The following CACNA1C variants were observed in gnomAD, a reference collection of about 807,000 sequenced individuals.
CACNA1C encodes calcium voltage-gated channel subunit alpha1 C, also known as voltage-dependent L-type calcium channel subunit alpha-1C.
A neutral mutation model predicts 229.0 loss-of-function variants in CACNA1C; 30 were observed. The ratio of observed to expected loss-of-function variants is 0.13; its 90% CI spans 0.10 to 0.18. CACNA1C has a LOEUF of 0.18. Ranked by LOEUF, CACNA1C falls within the 10% of genes least tolerant of loss-of-function variation. The pLI, the probability that CACNA1C is intolerant of heterozygous loss-of-function variation, is 1.00. For missense variants in CACNA1C, 1,658 were observed against 2,845.0 expected (o/e 0.58, Z 9.49); for synonymous variants, 1,114 against 1,132.5 (o/e 0.98, Z 0.33).
intron 29 of CACNA1C, among the ~76,000 whole-genome samples, chr12:2,625,355 A>C (rs1268213954): frequency 6.6e-6 from 1 of 152,234 alleles, no homozygotes; most frequent in Non-Finnish European, 1.5e-5. Context: ...GCCCTGCCAC[A>C]GGGAAGGAAA....
At chr12:2,243,754 G>A (rs2154377022) in intron 3 of CACNA1C, among the ~76,000 whole-genome samples, 1 of 152,302 alleles carries the variant, frequency 6.6e-6, no homozygotes, top group South Asian at 2.1e-4. Context: ...CTTTGTTAGA[G>A]CAGTACTCAC....
At chr12:2,401,270 C>T (rs906560401) in intron 3 of CACNA1C, among the ~76,000 whole-genome samples, 6 of 152,342 alleles carry the variant, frequency 3.9e-5, no homozygotes, top group East Asian at 1.9e-4. Context: ...TGCCAGGCTG[C>T]GCACAGAGGA....
intron 3 of CACNA1C, among the ~76,000 whole-genome samples, chr12:2,264,104 G>A (rs2081379515): frequency 6.6e-6 from 1 of 152,196 alleles, no homozygotes; most frequent in Non-Finnish European, 1.5e-5. Flanking sequence ...GCACTCACGG[G>A]TGGCAAGAGG....
rs139634500 is a variant in CACNA1C at position 2,130,102 on chromosome 12, C to T, written c.477+9672C>T. ...GGCGCCTTCTAACTAATAATAATAGCAGCAATAACTTCAGCCCTTACGCTG... is the reference window on the plus strand; with the variant it reads ...GGCGCCTTCTAACTAATAATAATAGTAGCAATAACTTCAGCCCTTACGCTG... On this transcript the variant is annotated intron_variant, in intron 3 of 46. Transcript: ENST00000399655. Among the ~76,000 whole-genome samples, 4 of 151,866 alleles carry T rather than the reference C, an allele frequency of 2.6e-5. No homozygotes were observed. The East Asian group carries it at 7.7e-4, about 29-fold the overall frequency.
At chr12:2,298,302 A>G (rs2094248146) in intron 3 of CACNA1C, among the ~76,000 whole-genome samples, 1 of 152,182 alleles carries the variant, frequency 6.6e-6, no homozygotes, top group South Asian at 2.1e-4. Context: ...CTCTCAGGTG[A>G]CAGGGTCTTT....
At chr12:2,681,815 G>A (rs371905295) in intron 42 of CACNA1C, 1 of 653,362 alleles carries the variant, frequency 1.5e-6, no homozygotes, top group Non-Finnish European at 2.8e-6. Context: ...TGCCCTCAGG[G>A]GTCTGAGGAT....
chr12:2,541,988 G>C (rs2099871600), intron 9 of CACNA1C, among the ~76,000 whole-genome samples: 1 of 152,154 alleles, frequency 6.6e-6, no homozygotes, highest in Non-Finnish European at 1.5e-5. Flanking sequence ...TATGAGGATG[G>C]TTCTCCCCAT....
In CACNA1C at chr12:2,602,170, A is replaced by G. The variant is rs886623792; in HGVS notation, c.2960+210A>G. Among the ~76,000 whole-genome samples the G allele has an allele frequency of 2.6e-5, 4 of 152,158 alleles. No homozygotes were observed. The highest frequency in any genetic ancestry group is 9.7e-5 in the African/African-American group (4 of 41,420). Reference sequence around the variant, plus strand: ...TGGGGCACGTTGATCAGGTGAGAATATGTTTAATTATCTGGGTTTTGCCAT... The same window carrying G: ...TGGGGCACGTTGATCAGGTGAGAATGTGTTTAATTATCTGGGTTTTGCCAT... On this transcript the variant is annotated intron_variant, in intron 22 of 46. Coordinates refer to ENST00000399655, the MANE Select transcript of CACNA1C (RefSeq NM_000719.7). This position sits in a 1 kb window ranked among gnomAD's most constrained non-coding sequence, Gnocchi z 4.4.
In CACNA1C at chr12:2,566,429, T is replaced by G. The variant is rs975289385; in HGVS notation, c.1516T>G (p.Trp506Gly). 2.5e-6 allele frequency: 4 copies of G among 1,592,732 alleles called. No individual in the cohort carries two copies. The African/African-American group carries it at 5.4e-5, about 21-fold the overall frequency. ...RISKSKFSRY[W>G]RRWNRFCRRK... The stretch of plus-strand genomic sequence containing the variant: ...TCCCTGTCCCCTTTCCAGCCGCTAC[T>G]GGCGCCGGTGGAATCGGTTCTGCAG... The change falls in exon 12 of 47, where the codon TGG becomes GGG. Residue 506 changes from tryptophan to glycine, a missense_variant. By Grantham distance (184) the Trp-to-Gly change is radical (BLOSUM62 -2). This residue lies in a region of CACNA1C where 149 missense variants were observed against 194.2 expected (regional missense o/e 0.77). Transcript: ENST00000399655. The surrounding 1 kb of genome is among the most constrained non-coding windows in gnomAD (Gnocchi z 4.0).
At chr12:2,239,937 AAAAATGG>A (rs1330295092) in intron 3 of CACNA1C, among the ~76,000 whole-genome samples, 1 of 152,256 alleles carries the variant, frequency 6.6e-6, no homozygotes, top group East Asian at 1.9e-4. Context: ...CTGGTTGGGA[AAAAATGG>A]AAAATGGAAA....
chr12:2,006,846 T>G (rs906329857), intron 1 of CACNA1C, among the ~76,000 whole-genome samples: 2 of 152,216 alleles, frequency 1.3e-5, no homozygotes, highest in Non-Finnish European at 1.5e-5. Context: ...CTAGAATAAA[T>G]GTTTCAATAC....
At chr12:2,071,878 G>A (rs11062106) in intron 1 of CACNA1C, among the ~76,000 whole-genome samples, 1,913 of 151,800 alleles carry the variant, frequency 0.013, 45 homozygotes, top group African/African-American at 0.044. Context: ...CAATATGTGC[G>A]TGAATTCTCC....
intron 3 of CACNA1C, among the ~76,000 whole-genome samples, chr12:2,367,360 C>T (rs537914186): frequency 9.2e-5 from 14 of 152,242 alleles, no homozygotes; most frequent in East Asian, 5.8e-4. Flanking sequence ...GGTACCGGTC[C>T]GCCATTGTGG....
intron 7 of CACNA1C, among the ~76,000 whole-genome samples, chr12:2,497,571 C>T (rs2099749273): frequency 6.6e-6 from 1 of 152,156 alleles, no homozygotes; most frequent in Non-Finnish European, 1.5e-5. Flanking sequence ...ATGTTGCACA[C>T]TGTGAACCAC....
At chr12:2,623,463 A>T (rs922564769) in intron 29 of CACNA1C, among the ~76,000 whole-genome samples, 1 of 152,106 alleles carries the variant, frequency 6.6e-6, no homozygotes, top group Non-Finnish European at 1.5e-5. Flanking sequence ...GTAATAAATA[A>T]TAAACACCTC....
At chr12:2,258,676 T>G (rs1446951155) in intron 3 of CACNA1C, among the ~76,000 whole-genome samples, 1 of 152,220 alleles carries the variant, frequency 6.6e-6, no homozygotes, top group Non-Finnish European at 1.5e-5. Flanking sequence ...CCTTCCAGAC[T>G]GTCCCTTTCA....
In CACNA1C at chr12:2,098,059, C is replaced by T. The variant is rs200697695; in HGVS notation, c.50-17165C>T. ...AGAAGGAACGTGATTTGTCTGAGTG[C>T]GCAGAGCAAATGAGTGATGGGCCTG... On this transcript the variant is annotated intron_variant, in intron 1 of 46. Transcript: ENST00000399655. 3.9e-5 allele frequency among the ~76,000 whole-genome samples: 6 copies of T among 152,304 alleles called. No homozygotes were observed. The East Asian group carries it at 5.8e-4, about 15-fold the overall frequency.
chr12:1,995,342 C>T (rs1251102030), intron 1 of CACNA1C, among the ~76,000 whole-genome samples: 1 of 152,266 alleles, frequency 6.6e-6, no homozygotes, highest in African/African-American at 2.4e-5. Context: ...ACCCTGTGTG[C>T]ATGGCACATA....
intron 13 of CACNA1C, among the ~76,000 whole-genome samples, chr12:2,568,759 C>A (rs1336340425): frequency 6.6e-6 from 1 of 151,374 alleles, no homozygotes; most frequent in African/African-American, 2.4e-5. Flanking sequence ...GCGCCCAGGG[C>A]TGGAGGGAGG....
Sources: gnomAD v4.1 joint callset for allele counts (sites outside exome capture counted in the v4.1 genomes callset) on GRCh38, gnomAD v4.1.1 for gene constraint, gnomAD v4.1.1 regional missense constraint, Gnocchi (gnomAD v3.1) non-coding constraint, MANE v1.5 for transcripts, NCBI Gene and HGNC (gene_info 2026-07-23, HGNC 2026-07-21) for gene names.